The following SIRPB2 variants were observed in gnomAD, a reference collection of about 807,000 sequenced individuals.
SIRPB2 encodes signal-regulatory protein beta-2.
SIRPB2 carries 18 observed loss-of-function variants against 27.1 expected under a neutral mutation model. That is an observed-to-expected ratio of 0.66 (90% CI 0.46 to 0.98). SIRPB2 has a LOEUF of 0.98. SIRPB2 is among the 50% of genes least tolerant of loss of function. The pLI is 0.00. For missense variants in SIRPB2, 420 were observed against 417.4 expected (o/e 1.01, Z -0.06); for synonymous variants, 150 against 164.6 (o/e 0.91, Z 0.68).
chr20:1,478,235 C>CTCCCGACAAGTCCAAAA, intron 3 of SIRPB2, 31 bp downstream of exon 3: 1 of 1,596,914 alleles, frequency 6.3e-7, no homozygotes, highest in South Asian at 1.1e-5. Flanking sequence ...CTGCTCCGCT[C>CTCCCGACAAGTCCAAAA]TCCCGACAAG....
chr20:1,478,454 T>C lies in SIRPB2; in HGVS notation c.605A>G (p.Glu202Gly). The change falls in exon 3 of 5, where the codon GAG becomes GGG. Residue 202 changes from glutamate to glycine, a missense_variant. Physicochemically the swap from Glu to Gly is moderately conservative, Grantham distance 98 (BLOSUM62 -2). Coordinates refer to ENST00000359801, the MANE Select transcript of SIRPB2 (RefSeq NM_001122962.2). ...GATGCCTCCAAAGTTGTAAATGGCC[T>C]CCCGGCTCAGACCAGCTCCCTGGAA... is the stretch of plus-strand genomic sequence containing the variant. ...RWFQGAGLSR[E>G]AIYNFGGISH... The C allele has an allele frequency of 6.2e-7, 1 of 1,614,184 alleles. No individual in the cohort carries two copies. The highest frequency in any genetic ancestry group is 8.5e-7 in the Non-Finnish European group (1 of 1,180,036).
At chr20:1,472,109 A>G (rs969768169), downstream of SIRPB2, among the ~76,000 whole-genome samples, 2 of 152,038 alleles carry the variant, frequency 1.3e-5, no homozygotes, top group African/African-American at 4.8e-5. Flanking sequence ...AGGACATGTA[A>G]TAGTGGCCTG....
chr20:1,479,419 T>C (rs778386796), intron 2 of SIRPB2: 1 of 473,186 alleles, frequency 2.1e-6, no homozygotes, highest in Non-Finnish European at 3.9e-6. Flanking sequence ...TGTGAGTAGA[T>C]GCTTGAGGTG....
At chr20:1,482,086 A>T (rs994766125) in intron 1 of SIRPB2, among the ~76,000 whole-genome samples, 12 of 152,200 alleles carry the variant, frequency 7.9e-5, no homozygotes, top group Admixed American at 7.9e-4. Context: ...AAAAAATAAC[A>T]TTCTATTGTG....
downstream of SIRPB2, among the ~76,000 whole-genome samples, chr20:1,471,938 A>C (rs2090582261): frequency 6.6e-6 from 1 of 152,174 alleles, no homozygotes; most frequent in South Asian, 2.1e-4. Context: ...TCCTTGGGGC[A>C]GGAAGAGCAT....
chr20:1,488,120 G>C (rs1048848843), intron 1 of SIRPB2, among the ~76,000 whole-genome samples: 5 of 152,146 alleles, frequency 3.3e-5, no homozygotes, highest in African/African-American at 1.2e-4. Context: ...AACTCCTGCT[G>C]TTCGGAAAAC....
rs911307326 is a variant in SIRPB2 at position 1,474,942 on chromosome 20, ACT to A, written c.*1223_*1224del. On this transcript the variant is annotated 3_prime_UTR_variant, in exon 5 of 5. Coordinates refer to ENST00000359801, the MANE Select transcript of SIRPB2 (RefSeq NM_001122962.2). The stretch of plus-strand genomic sequence containing the variant: ...CCTGGATGTTCCGTGATGGGAAGGG[ACT>A]CTGATTAGTCACTGAGGGTGCACAG... 6.6e-5 allele frequency: 10 copies of A among 152,062 alleles called. No individual in the cohort carries two copies. The highest frequency in any genetic ancestry group is 2.4e-4 in the African/African-American group (10 of 41,340). 9.4% of individuals were successfully genotyped at this position (152,062 alleles called of 1,614,324 possible).
rs762318456 is a variant in SIRPB2 at position 1,479,861 on chromosome 20, G to A, written c.290C>T (p.Pro97Leu). 6.8e-6 allele frequency: 11 copies of A among 1,614,060 alleles called. No homozygotes were observed. The highest frequency in any genetic ancestry group is 9.3e-6 in the Non-Finnish European group (11 of 1,180,052). The part of the protein sequence containing the change: ...FKRGSFPGVM[P>L]MIQRTSEPLN... ...TGGTTCTGATGTCCGTTGGATCATGGGCATTACCCCAGGGAAGGAGCCACG... is the reference window on the plus strand; with the variant it reads ...TGGTTCTGATGTCCGTTGGATCATGAGCATTACCCCAGGGAAGGAGCCACG... Residue 97 changes from proline to leucine, a missense_variant, in exon 2 of 5, where the codon CCC becomes CTC. Transcript: ENST00000359801.
At chr20:1,488,004 GA>G (rs1218219725) in intron 1 of SIRPB2, among the ~76,000 whole-genome samples, 2 of 152,180 alleles carry the variant, frequency 1.3e-5, no homozygotes, top group Middle Eastern at 3.4e-3. Flanking sequence ...TGCAAACATG[GA>G]AAAAAACTTT....
In SIRPB2 at chr20:1,476,020, A is replaced by T; in HGVS notation, c.*147T>A. The T allele has an allele frequency of 1.2e-6, 1 of 857,540 alleles. No individual in the cohort carries two copies. The highest frequency in any genetic ancestry group is 1.8e-6 in the Non-Finnish European group (1 of 556,080). 53.1% of individuals were successfully genotyped at this position (857,540 alleles called of 1,614,324 possible). On this transcript the variant is annotated 3_prime_UTR_variant, in exon 5 of 5. Transcript: ENST00000359801. The stretch of plus-strand genomic sequence containing the variant: ...AGCCCGGTGCAAAGAAGGGAATTTC[A>T]CTAGGTGGACCAAAACCAGATGTAG...
chr20:1,484,933 C>T (rs900735116), intron 1 of SIRPB2, among the ~76,000 whole-genome samples: 15 of 152,056 alleles, frequency 9.9e-5, no homozygotes, highest in African/African-American at 2.7e-4. Context: ...TTCTGTCATT[C>T]GTAGCAACAT....
At chr20:1,481,733 C>T (rs543096497) in intron 1 of SIRPB2, among the ~76,000 whole-genome samples, 46 of 152,202 alleles carry the variant, frequency 3.0e-4, no homozygotes, top group African/African-American at 9.9e-4. Flanking sequence ...AAGTGATAAC[C>T]GCATGTTGAA....
chr20:1,487,929 A>C (rs1369921904), intron 1 of SIRPB2, among the ~76,000 whole-genome samples: 1 of 152,264 alleles, frequency 6.6e-6, no homozygotes, highest in East Asian at 1.9e-4. Context: ...CTCAAACTAT[A>C]TAAAAATTAA....
At position 1,476,093 on chromosome 20, in the gene SIRPB2, C is replaced by A; in HGVS notation, c.*74G>T. The A allele has an allele frequency of 6.4e-7, 1 of 1,554,046 alleles. No homozygotes were observed. The highest frequency in any genetic ancestry group is 8.7e-7 in the Non-Finnish European group (1 of 1,145,342). On this transcript the variant is annotated 3_prime_UTR_variant, in exon 5 of 5. Coordinates refer to ENST00000359801, the MANE Select transcript of SIRPB2 (RefSeq NM_001122962.2). ...GCCTGGGGGCACCTAGAGGCTGGGA[C>A]TGGAGGTAGGGAAATGGTTGAGGAG...
chr20:1,489,576 C>A (rs532016145), intron 1 of SIRPB2, among the ~76,000 whole-genome samples: 1 of 152,150 alleles, frequency 6.6e-6, no homozygotes, highest in South Asian at 2.1e-4. Flanking sequence ...TTCTGAGTCC[C>A]CTTCTGTGTT....
At position 1,475,780 on chromosome 20, in the gene SIRPB2, T is replaced by TCA; in HGVS notation, c.*386_*387insTG. 1.5e-5 allele frequency: 2 copies of TCA among 129,036 alleles called. No homozygotes were observed. The highest frequency in any genetic ancestry group is 1.9e-4 in the South Asian group (1 of 5,182). The allele number at this position is 129,036 out of a possible 1,614,324, so 8.0% of individuals were successfully genotyped here. A position where few individuals can be genotyped will look rare whatever the true frequency, so the allele number is the denominator to read the frequency against. On this transcript the variant is annotated 3_prime_UTR_variant, in exon 5 of 5. Coordinates refer to ENST00000359801, the MANE Select transcript of SIRPB2 (RefSeq NM_001122962.2). The stretch of plus-strand genomic sequence containing the variant: ...GGAGGGGCACAGATGGTCTGGCTGG[T>TCA]TGAGTTCAGAGATTCTTACAGACAT...
chr20:1,478,076 G>A lies in SIRPB2; in HGVS notation c.793+190C>T, dbSNP rs776141695. The A allele has an allele frequency of 6.5e-5, 46 of 703,070 alleles. 1 individual carries two copies. The highest frequency in any genetic ancestry group is 6.4e-4 in the South Asian group (43 of 66,836). 43.6% of individuals were successfully genotyped at this position (703,070 alleles called of 1,614,324 possible). A position where few individuals can be genotyped will look rare whatever the true frequency, so the allele number is the denominator to read the frequency against. On this transcript the variant is annotated intron_variant, in intron 3 of 4. Transcript: ENST00000359801. Reference sequence around the variant, plus strand: ...GGAGGAGAAGGTTTTACAGAGGAAGGGCCATTTGTGCTGGGCCTTGAAGGA... The same window carrying A: ...GGAGGAGAAGGTTTTACAGAGGAAGAGCCATTTGTGCTGGGCCTTGAAGGA...
At chr20:1,487,386 T>C (rs549341238) in intron 1 of SIRPB2, among the ~76,000 whole-genome samples, 12 of 152,262 alleles carry the variant, frequency 7.9e-5, no homozygotes, top group Non-Finnish European at 1.6e-4. Context: ...CTCAAGTTGA[T>C]ATATAAACTC....
chr20:1,485,553 A>G (rs1442481361), intron 1 of SIRPB2, among the ~76,000 whole-genome samples: 1 of 151,986 alleles, frequency 6.6e-6, no homozygotes, highest in Admixed American at 6.6e-5. Context: ...AGAAACTAGA[A>G]AAAAAGGCCA....
Sources: allele counts gnomAD v4.1 joint callset (sites outside exome capture counted in the v4.1 genomes callset), GRCh38; gene constraint gnomAD v4.1.1; transcripts MANE v1.5; gene names NCBI Gene and HGNC (gene_info 2026-07-23, HGNC 2026-07-21).